DPH6: variants seen among roughly 807,000 people sequenced by gnomAD.
DPH6 encodes diphthine--ammonia ligase.
Under a neutral mutation model 38.2 loss-of-function variants are expected in DPH6, and 33 were observed. The ratio of observed to expected loss-of-function variants is 0.86; its 90% CI spans 0.65 to 1.15. The LOEUF (loss-of-function observed/expected upper bound fraction) is 1.15, where lower values mean the gene tolerates loss of function less well. DPH6 is among the 50% of genes most tolerant of loss of function. The pLI is 0.00. For synonymous variants in DPH6, 108 were observed against 103.0 expected, an observed-to-expected ratio of 1.05 and a Z score of -0.30; for missense variants, 325 against 320.0, an observed-to-expected ratio of 1.02 and a Z score of -0.12.
intron 1 of DPH6, among the ~76,000 whole-genome samples, chr15:35,542,965 T>TATATATATATATATATATATATATATA (rs58422347): frequency 2.9e-4 from 22 of 76,160 alleles, no homozygotes; most frequent in East Asian, 2.6e-3. Context: ...TATATATATA[T>TATATATATATATATATATATATATATA]AAAATAATTT....
intron 1 of DPH6, among the ~76,000 whole-genome samples, chr15:35,544,491 T>A (rs139509014): frequency 0.021 from 3,240 of 152,044 alleles, 109 homozygotes; most frequent in African/African-American, 0.073. Context: ...ACCCAGAACT[T>A]AAAGTATAAT....
intron 6 of DPH6, among the ~76,000 whole-genome samples, chr15:35,395,512 T>C (rs2053119744): frequency 6.6e-6 from 1 of 152,224 alleles, no homozygotes; most frequent in African/African-American, 2.4e-5. Context: ...CTTACTGATC[T>C]ACCAACACCA....
chr15:35,398,765 A>G (rs958894143), intron 6 of DPH6, among the ~76,000 whole-genome samples: 4 of 152,152 alleles, frequency 2.6e-5, no homozygotes, highest in Non-Finnish European at 5.9e-5. Context: ...ACAACCTACT[A>G]CTTGTGGTTG....
At chr15:35,271,468 C>T (rs376578428) in intron 3 of DPH6, among the ~76,000 whole-genome samples, 1 of 152,200 alleles carries the variant, frequency 6.6e-6, no homozygotes, top group Non-Finnish European at 1.5e-5. Flanking sequence ...GCATCTGAAT[C>T]GAGGTGCCAT....
chr15:35,366,859 C>T (rs1289553448), downstream of DPH6, among the ~76,000 whole-genome samples: 1 of 151,892 alleles, frequency 6.6e-6, no homozygotes, highest in Non-Finnish European at 1.5e-5. Flanking sequence ...AGCATTAAGA[C>T]TAGAATTACT....
chr15:35,367,244 G>A (rs1016728448), downstream of DPH6, among the ~76,000 whole-genome samples: 1 of 151,838 alleles, frequency 6.6e-6, no homozygotes. Flanking sequence ...AATACTAAGT[G>A]AAAGTAGGGA....
chr15:35,392,691 T>C (rs1412167300), intron 6 of DPH6, among the ~76,000 whole-genome samples: 1 of 152,088 alleles, frequency 6.6e-6, no homozygotes, highest in Admixed American at 6.5e-5. Context: ...CAATATAGGG[T>C]AGTGATTATT....
chr15:35,470,312 T>C (rs1428168099), intron 3 of DPH6, among the ~76,000 whole-genome samples: 1 of 144,366 alleles, frequency 6.9e-6, no homozygotes, highest in Non-Finnish European at 1.5e-5. Context: ...GTCAAAGAGG[T>C]TTTAAAGCGC....
intron 3 of DPH6, among the ~76,000 whole-genome samples, chr15:35,493,990 T>C (rs2054516535): frequency 1.3e-5 from 2 of 152,140 alleles, no homozygotes; most frequent in South Asian, 4.1e-4. Flanking sequence ...TGGAACCAAC[T>C]GCCCAGATTC....
At chr15:35,348,365 G>T (rs1292740205) in intron 3 of DPH6, among the ~76,000 whole-genome samples, 1 of 152,122 alleles carries the variant, frequency 6.6e-6, no homozygotes, top group Non-Finnish European at 1.5e-5. Context: ...TGTTTTGCAT[G>T]TGGATATCCA....
the DPH6 span, among the ~76,000 whole-genome samples, chr15:35,165,479 T>G: frequency 1.3e-5 from 2 of 151,890 alleles, no homozygotes; most frequent in Non-Finnish European, 2.9e-5. Context: ...AGCTCTCTGT[T>G]TTTTACATTT....
At chr15:35,415,923 T>C (rs2053430124) in intron 5 of DPH6, among the ~76,000 whole-genome samples, 1 of 152,030 alleles carries the variant, frequency 6.6e-6, no homozygotes. Context: ...AAATTTCTTT[T>C]CTCTCAGAGT....
At chr15:35,337,497 G>A (rs62004418) in intron 3 of DPH6, among the ~76,000 whole-genome samples, 39,647 of 151,910 alleles carry the variant, frequency 0.26, 5,337 homozygotes, top group South Asian at 0.38. Context: ...CCTCTTCAAG[G>A]AGAACTACAA....
chr15:35,424,486 G>T (rs1365841872), intron 5 of DPH6, among the ~76,000 whole-genome samples: 2 of 150,724 alleles, frequency 1.3e-5, no homozygotes, highest in Non-Finnish European at 1.5e-5. Context: ...CAATATGTAT[G>T]ATATTATCTG....
intron 2 of DPH6, among the ~76,000 whole-genome samples, chr15:35,539,201 T>G (rs1262707877): frequency 6.6e-6 from 1 of 151,978 alleles, no homozygotes; most frequent in African/African-American, 2.4e-5. Flanking sequence ...CCTTTAGATC[T>G]CGTAACCTTA....
At chr15:35,489,552 T>A in intron 3 of DPH6, 1 of 983,212 alleles carries the variant, frequency 1.0e-6, no homozygotes, top group Non-Finnish European at 1.2e-6. Context: ...AGTCTATATC[T>A]TTCTCATGTT....
chr15:35,303,948 G>A (rs1351568443), intron 3 of DPH6, among the ~76,000 whole-genome samples: 1 of 151,902 alleles, frequency 6.6e-6, no homozygotes, highest in African/African-American at 2.4e-5. Context: ...CAAAAATGGT[G>A]TAATACTGCC....
At chr15:35,542,346 T>C (rs1020307) in intron 2 of DPH6, 67 bp downstream of exon 2, 968,136 of 1,315,916 alleles carry the variant, frequency 0.74, 366,333 homozygotes, top group South Asian at 0.83. Context: ...GGTATACCTG[T>C]ACAATGTAAT....
At chr15:35,396,242 C>T (rs1460301576) in intron 6 of DPH6, 1 of 152,178 alleles carries the variant, frequency 6.6e-6, no homozygotes, top group Non-Finnish European at 1.5e-5. Flanking sequence ...TTTATATATA[C>T]TTATCACAAT....
Sources: allele counts gnomAD v4.1 joint callset (sites outside exome capture counted in the v4.1 genomes callset), GRCh38; gene constraint gnomAD v4.1.1; transcripts MANE v1.5; gene names NCBI Gene and HGNC (gene_info 2026-07-23, HGNC 2026-07-21).